Variants in TNRC6B observed in about 807,000 individuals in gnomAD.
TNRC6B encodes the protein trinucleotide repeat containing adaptor 6B.
In TNRC6B, 52 loss-of-function variants were observed where a neutral mutation model predicts 203.6. The ratio of observed to expected loss-of-function variants is 0.26; its 90% CI spans 0.20 to 0.32. The LOEUF is 0.32. Among genes scored for constraint, TNRC6B ranks in the 10% least tolerant of loss-of-function variants. The pLI is 1.00. For missense variants in TNRC6B, 1,923 were observed against 2,286.2 expected, an observed-to-expected ratio of 0.84 and a Z score of 3.24; for synonymous variants, 838 against 845.7, an observed-to-expected ratio of 0.99 and a Z score of 0.16.
chr22:40,285,732 C>T lies in TNRC6B; in HGVS notation c.3670C>T (p.Leu1224Phe). 3.1e-6 allele frequency: 5 copies of T among 1,614,010 alleles called. No homozygotes were observed. The highest frequency in any genetic ancestry group is 4.2e-6 in the Non-Finnish European group (5 of 1,179,904). The change falls in exon 12 of 23, where the codon CTC becomes TTC. Residue 1224 changes from leucine (L) to phenylalanine (F), a missense_variant. Physicochemically the swap from Leu to Phe is conservative, Grantham distance 22. Coordinates refer to ENST00000454349, the MANE Select transcript of TNRC6B (RefSeq NM_001162501.2). ...PVQPLNSSPS[L>F]RAQVPPQFIS... ...GCAGCCACTAAATTCTTCTCCCAGT[C>T]TCCGGGCGCAAGTGCCTCCCCAGTT...
chr22:40,219,421 G>A (rs2069678193), intron 1 of TNRC6B, among the ~76,000 whole-genome samples: 1 of 151,814 alleles, frequency 6.6e-6, no homozygotes, highest in Non-Finnish European at 1.5e-5. Context: ...GCCAGCAGGA[G>A]GGTGGACAGG....
intron 15 of TNRC6B, among the ~76,000 whole-genome samples, chr22:40,307,992 G>C (rs2146559245): frequency 6.6e-6 from 1 of 152,244 alleles, no homozygotes; most frequent in South Asian, 2.1e-4. Context: ...AACCATTGGA[G>C]TCATTTGAAT....
chr22:40,178,255 A>T, intron 1 of TNRC6B, 115 bp downstream of exon 1: 1 of 1,239,146 alleles, frequency 8.1e-7, no homozygotes, highest in African/African-American at 1.5e-5. Context: ...CTGGCTTCAG[A>T]CATTTCGTGG....
At position 40,327,167 on chromosome 22, in the gene TNRC6B, T is replaced by A. The variant is rs2071414182; in HGVS notation, c.*3926T>A. The A allele has an allele frequency of 6.5e-6, 1 of 153,050 alleles. No individual in the cohort carries two copies. Among genetic ancestry groups the A allele is most frequent in the African/African-American group, 2.4e-5 (1 of 41,406 alleles). The allele number at this position is 153,050 out of a possible 1,614,324, so 9.5% of individuals were successfully genotyped here. A position where few individuals can be genotyped will look rare whatever the true frequency, so the allele number is the denominator to read the frequency against. On this transcript the variant is annotated 3_prime_UTR_variant, in exon 23 of 23. Transcript: ENST00000454349. ...GTGGGTGGGGTTGCTGCCTGCAATTTCTCTAAAACCGCTTTAGTGCCTTCG... is the reference window on the plus strand; with the variant it reads ...GTGGGTGGGGTTGCTGCCTGCAATTACTCTAAAACCGCTTTAGTGCCTTCG...
chr22:40,241,583 CAT>C (rs1016245296), intron 1 of TNRC6B, among the ~76,000 whole-genome samples: 12 of 152,310 alleles, frequency 7.9e-5, no homozygotes, highest in Admixed American at 2.0e-4. Context: ...TAAAAGGACT[CAT>C]AGAATCAATG....
intron 3 of TNRC6B, among the ~76,000 whole-genome samples, chr22:40,133,639 A>G (rs1348671833): frequency 1.3e-5 from 2 of 152,120 alleles, no homozygotes; most frequent in African/African-American, 2.4e-5. Context: ...GAGGGGGAGA[A>G]GGCTATTATA....
intron 1 of TNRC6B, 58 bp downstream of exon 1, chr22:40,178,198 C>T (rs2069087922): frequency 1.3e-6 from 2 of 1,584,788 alleles, no homozygotes; most frequent in Non-Finnish European, 8.6e-7. Context: ...CTTGTCTAAC[C>T]GTTTTCACTG....
At chr22:40,288,879 A>G (rs1241004665) in intron 12 of TNRC6B, among the ~76,000 whole-genome samples, 3 of 102,390 alleles carry the variant, frequency 2.9e-5, no homozygotes, top group Non-Finnish European at 5.6e-5. Context: ...TCTCTCTCTC[A>G]CTCAGCTCAC....
At position 40,257,751 on chromosome 22, in the gene TNRC6B, G is replaced by A. The variant is rs145803722; in HGVS notation, c.116-4081G>A. Among the ~76,000 whole-genome samples the A allele has an allele frequency of 1.6e-4, 24 of 151,904 alleles. No individual in the cohort carries two copies. In the East Asian group the frequency reaches 2.7e-3, roughly 17 times the overall value. ...AGTAAATGAATGGACGGCCAGGTGC[G>A]GTGGCTCACGCCTATAATCCCAGCA... On this transcript the variant is annotated intron_variant, in intron 3 of 22. Transcript: ENST00000454349.
chr22:40,125,778 T>C lies in TNRC6B; in HGVS notation c.-40T>C, dbSNP rs375055587. On this transcript the variant is annotated 5_prime_UTR_variant, in exon 3 of 24. Coordinates refer to the TNRC6B transcript ENST00000301923. ...TTCTTCTCTCTTCTTTTAGGCAGTA[T>C]TTTTGTGTTTCTGCAGAGTTTTGCA... 1.8e-4 allele frequency: 288 copies of C among 1,595,770 alleles called. 1 individual carries two copies. In the African/African-American group the frequency reaches 3.6e-3, roughly 20 times the overall value.
At chr22:40,137,822 A>G (rs762542064) in intron 3 of TNRC6B, among the ~76,000 whole-genome samples, 1 of 151,988 alleles carries the variant, frequency 6.6e-6, no homozygotes, top group East Asian at 1.9e-4. Flanking sequence ...CATCTCTACT[A>G]AAAATACAAA....
At chr22:40,082,868 G>T (rs2068072476) in intron 1 of TNRC6B, among the ~76,000 whole-genome samples, 1 of 152,214 alleles carries the variant, frequency 6.6e-6, no homozygotes, top group African/African-American at 2.4e-5. Flanking sequence ...ATTTACTCAA[G>T]TAGATGGAAT....
chr22:40,288,824 A>G (rs1247356948), intron 12 of TNRC6B, among the ~76,000 whole-genome samples: 2 of 143,206 alleles, frequency 1.4e-5, no homozygotes, highest in Non-Finnish European at 3.0e-5. Context: ...TACAGGCGTG[A>G]GCCACTGTGC....
At chr22:40,269,419 C>T (rs927353441) in intron 5 of TNRC6B, among the ~76,000 whole-genome samples, 2 of 152,108 alleles carry the variant, frequency 1.3e-5, no homozygotes, top group Non-Finnish European at 2.9e-5. Flanking sequence ...AGGCGTGAGC[C>T]ATTGTGCCTG....
intron 1 of TNRC6B, among the ~76,000 whole-genome samples, chr22:40,187,947 C>T (rs1601869043): frequency 6.6e-6 from 1 of 152,232 alleles, no homozygotes; most frequent in Non-Finnish European, 1.5e-5. Flanking sequence ...TGGCCGGGTA[C>T]GGTGGCTCAC....
chr22:40,223,557 C>A (rs562538592), intron 1 of TNRC6B, among the ~76,000 whole-genome samples: 2 of 152,330 alleles, frequency 1.3e-5, no homozygotes, highest in Non-Finnish European at 2.9e-5. Context: ...GCTTTTAAAA[C>A]TTAACACCTT....
At chr22:40,230,328 C>T (rs1318722935) in intron 1 of TNRC6B, among the ~76,000 whole-genome samples, 1 of 142,328 alleles carries the variant, frequency 7.0e-6, no homozygotes, top group African/African-American at 2.6e-5. Context: ...CTCACTCTGT[C>T]GCCCAGACTG....
intron 1 of TNRC6B, among the ~76,000 whole-genome samples, chr22:40,195,871 A>G (rs2069330544): frequency 6.6e-6 from 1 of 152,068 alleles, no homozygotes; most frequent in Non-Finnish European, 1.5e-5. Context: ...CCAGGTTCAC[A>G]CCATTCTCCT....
intron 6 of TNRC6B, among the ~76,000 whole-genome samples, chr22:40,273,200 C>T (rs2146511510): frequency 6.6e-6 from 1 of 152,276 alleles, no homozygotes; most frequent in South Asian, 2.1e-4. Context: ...ATCCATAAAT[C>T]AGGAGGCCTT....
Sources: gnomAD v4.1 joint callset for allele counts (sites outside exome capture counted in the v4.1 genomes callset) on GRCh38, gnomAD v4.1.1 for gene constraint, MANE v1.5 for transcripts, NCBI Gene and HGNC (gene_info 2026-07-23, HGNC 2026-07-21) for gene names.